MYO10: variants seen among roughly 807,000 people sequenced by gnomAD.
The protein encoded by MYO10 is unconventional myosin-X.
A neutral mutation model predicts 257.3 loss-of-function variants in MYO10; 133 were observed. That is an observed-to-expected ratio of 0.52 (90% confidence interval 0.45 to 0.60). MYO10 has a LOEUF of 0.60. Ranked by LOEUF, MYO10 falls within the 20% of genes least tolerant of loss-of-function variation. The pLI is 0.00. For synonymous variants in MYO10, 1,104 were observed against 1,028.6 expected (o/e 1.07, Z -1.40); for missense variants, 2,399 against 2,635.7 (o/e 0.91, Z 1.97).
At chr5:16,792,861 T>C (rs181801006) in intron 4 of MYO10, among the ~76,000 whole-genome samples, 7 of 152,238 alleles carry the variant, frequency 4.6e-5, no homozygotes, top group Admixed American at 4.6e-4. Context: ...GTCTTTTTAG[T>C]GTCCCCCCCT....
At chr5:16,825,987 A>G (rs1742987902) in intron 2 of MYO10, among the ~76,000 whole-genome samples, 1 of 152,074 alleles carries the variant, frequency 6.6e-6, no homozygotes, top group Non-Finnish European at 1.5e-5. Context: ...GTCTCTACTA[A>G]AAATACAATA....
intron 12 of MYO10, among the ~76,000 whole-genome samples, chr5:16,764,041 G>A (rs1419861736): frequency 6.6e-6 from 1 of 151,912 alleles, no homozygotes; most frequent in Non-Finnish European, 1.5e-5. Flanking sequence ...TCAGCTTCTT[G>A]GGAGGCTGAG....
At chr5:16,714,405 T>G (rs1466995733) in intron 19 of MYO10, among the ~76,000 whole-genome samples, 1 of 152,002 alleles carries the variant, frequency 6.6e-6, no homozygotes, top group African/African-American at 2.4e-5. Flanking sequence ...GCATGGTTCT[T>G]GTATTCAAGA....
At chr5:16,827,382 G>A (rs1743032114) in intron 2 of MYO10, among the ~76,000 whole-genome samples, 1 of 152,110 alleles carries the variant, frequency 6.6e-6, no homozygotes, top group Admixed American at 6.5e-5. Context: ...CGCCTCCTGG[G>A]TTCAAGCAAT....
intron 34 of MYO10, 66 bp from the exon 35 acceptor site, chr5:16,675,216 G>C (rs895232550): frequency 4.6e-6 from 7 of 1,535,248 alleles, no homozygotes; most frequent in Non-Finnish European, 6.2e-6. Context: ...AGCATAATCG[G>C]AGCAGTAGTC....
At chr5:16,845,046 C>T (rs770904013) in intron 2 of MYO10, among the ~76,000 whole-genome samples, 2 of 151,888 alleles carry the variant, frequency 1.3e-5, no homozygotes, top group Non-Finnish European at 2.9e-5. Flanking sequence ...GACACTTTAA[C>T]TTGATGTATT....
chr5:16,893,236 C>T (rs1029886211), intron 1 of MYO10, among the ~76,000 whole-genome samples: 1 of 144,324 alleles, frequency 6.9e-6, no homozygotes, highest in African/African-American at 2.5e-5. Flanking sequence ...TTACAAGCTA[C>T]CCCCAACAGA....
intron 9 of MYO10, among the ~76,000 whole-genome samples, chr5:16,770,860 C>T (rs1432086616): frequency 1.3e-5 from 2 of 152,182 alleles, no homozygotes; most frequent in Non-Finnish European, 2.9e-5. Context: ...CCCGTGCCTC[C>T]CAGGTTCAAG....
At chr5:16,860,407 T>C (rs955527096) in intron 2 of MYO10, among the ~76,000 whole-genome samples, 2 of 152,176 alleles carry the variant, frequency 1.3e-5, no homozygotes, top group African/African-American at 4.8e-5. Flanking sequence ...GGTTCTCTAA[T>C]TTCAGTGTGA....
chr5:16,766,624 G>A (rs1740877536), intron 10 of MYO10, among the ~76,000 whole-genome samples: 2 of 151,970 alleles, frequency 1.3e-5, no homozygotes, highest in Non-Finnish European at 1.5e-5. Flanking sequence ...TAGAGATGGG[G>A]TTTCATCATG....
At position 16,799,674 on chromosome 5, in the gene MYO10, C is replaced by T. The variant is rs115280685; in HGVS notation, c.280-4841G>A. Among the ~76,000 whole-genome samples, 1,455 of 152,132 alleles carry T rather than the reference C, an allele frequency of 9.6e-3. 35 individuals carry two copies. The highest frequency in any genetic ancestry group is 0.033 in the African/African-American group (1,385 of 41,496). On this transcript the variant is annotated intron_variant, in intron 3 of 40. Coordinates refer to ENST00000513610, the MANE Select transcript of MYO10 (RefSeq NM_012334.3). The stretch of plus-strand genomic sequence containing the variant: ...CGCCCACCTAATTTTTGCATTTCTA[C>T]TAGAGACGGGATTTCATATATTTTG...
At chr5:16,912,802 G>GCA (rs70943817) in intron 1 of MYO10, among the ~76,000 whole-genome samples, 23,179 of 111,362 alleles carry the variant, frequency 0.21, 2,686 homozygotes, top group South Asian at 0.3. Flanking sequence ...CTACCACCCT[G>GCA]CACACACACA....
At chr5:16,838,575 T>C (rs529092393) in intron 2 of MYO10, among the ~76,000 whole-genome samples, 2 of 152,318 alleles carry the variant, frequency 1.3e-5, no homozygotes, top group African/African-American at 2.4e-5. Context: ...AAGCAGGACA[T>C]GTTGACAAAG....
In MYO10 at chr5:16,702,527, TCA is replaced by T. The variant is rs1192680650; in HGVS notation, c.2556+14_2556+15del. On this transcript the variant is annotated intron_variant, in intron 24 of 40. Coordinates refer to ENST00000513610, the MANE Select transcript of MYO10 (RefSeq NM_012334.3). The stretch of plus-strand genomic sequence containing the variant: ...AGTAGAAACACAAGAGGCTAAGTTG[TCA>T]CTGCACTCATTACCTGCTGGGCGCG... 3 of 1,587,254 alleles carry T rather than the reference TCA, an allele frequency of 1.9e-6. No individual in the cohort carries two copies. The highest frequency in any genetic ancestry group is 2.6e-6 in the Non-Finnish European group (3 of 1,165,822).
chr5:16,896,678 G>T (rs984807997), intron 1 of MYO10, among the ~76,000 whole-genome samples: 1 of 152,170 alleles, frequency 6.6e-6, no homozygotes. Context: ...CAGTACCCAG[G>T]CACCAATCCA....
Position 16,694,488 on chromosome 5 carries a change from G to A in MYO10, c.3683C>T (p.Thr1228Met), listed in dbSNP as rs756906666. 9 of 1,614,008 alleles carry A rather than the reference G, an allele frequency of 5.6e-6. No homozygotes were observed. The highest frequency in any genetic ancestry group is 1.1e-5 in the South Asian group (1 of 91,090). ...WLHKKGGGSS[T>M]LSRRNWKKRW... ...CTTCTTCCAATTTCTCCTGGACAGCGTGGAGGAGCCCCCCCCTTTTTTGTG... is the reference window on the plus strand; with the variant it reads ...CTTCTTCCAATTTCTCCTGGACAGCATGGAGGAGCCCCCCCCTTTTTTGTG... Residue 1228 changes from threonine to methionine, a missense_variant, in exon 27 of 41, where the codon ACG becomes ATG. Physicochemically the swap from Thr to Met is moderately conservative, Grantham distance 81 (BLOSUM62 -1). This residue lies in a region of MYO10 where 1,820 missense variants were observed against 1,939.4 expected (regional missense o/e 0.94). Coordinates refer to ENST00000513610, the MANE Select transcript of MYO10 (RefSeq NM_012334.3).
chr5:16,741,446 C>T (rs548789510), intron 19 of MYO10, among the ~76,000 whole-genome samples: 1 of 152,270 alleles, frequency 6.6e-6, no homozygotes, highest in Admixed American at 6.5e-5. Context: ...AGTGTATAAA[C>T]TCTTAAAGAA....
chr5:16,670,909 G>A lies in MYO10; in HGVS notation c.5500C>T (p.Arg1834Ter), dbSNP rs766519699. The change falls in exon 39 of 41, where the codon CGA (arginine) becomes TGA (stop). Residue 1834 changes from arginine to a stop codon, truncating the protein, a stop_gained. Transcript: ENST00000513610. LOFTEE classifies it high-confidence loss of function. ...EENLQVLAAL[R>*]LQYLQGDYTL... ...TAATCCCCCTGCAGATACTGGAGTC[G>A]CAGGGCAGCAAGAACCTGGAGGTTT... 15 of 1,613,722 alleles carry A rather than the reference G, an allele frequency of 9.3e-6. No homozygotes were observed. Among genetic ancestry groups the A allele is most frequent in the African/African-American group, 4.0e-5 (3 of 74,920 alleles).
At chr5:16,702,850 G>T in intron 23 of MYO10, 75 bp downstream of exon 23, 1 of 1,328,208 alleles carries the variant, frequency 7.5e-7, no homozygotes, top group Non-Finnish European at 1.0e-6. Flanking sequence ...GGGATTTCTG[G>T]CTGCACAGAC....
Sources: gnomAD v4.1 joint callset for allele counts (sites outside exome capture counted in the v4.1 genomes callset) on GRCh38, gnomAD v4.1.1 for gene constraint, gnomAD v4.1.1 regional missense constraint, MANE v1.5 for transcripts, NCBI Gene and HGNC (gene_info 2026-07-23, HGNC 2026-07-21) for gene names.